AIFM3: variants seen among roughly 807,000 people sequenced by gnomAD.
The protein encoded by AIFM3 is apoptosis-inducing factor 3.
In AIFM3, 71 loss-of-function variants were observed where a neutral mutation model predicts 82.7. The ratio of observed to expected loss-of-function variants is 0.86; its 90% CI spans 0.71 to 1.05. The LOEUF (loss-of-function observed/expected upper bound fraction) is 1.05, where lower values mean the gene tolerates loss of function less well. AIFM3 is among the 50% of genes least tolerant of loss of function. AIFM3 has a pLI of 0.00. For synonymous variants in AIFM3, 337 were observed against 329.1 expected, an observed-to-expected ratio of 1.02 and a Z score of -0.26; for missense variants, 748 against 816.7, an observed-to-expected ratio of 0.92 and a Z score of 1.03.
Position 20,976,458 on chromosome 22 carries a change from T to A in AIFM3, c.950T>A (p.Ile317Asn), listed in dbSNP as rs1407263298. Residue 317 changes from isoleucine to asparagine, a missense_variant, in exon 11 of 21, where the codon ATC becomes AAC. By Grantham distance (149) the Ile-to-Asn change is moderately radical (BLOSUM62 -3). Around this residue, in one of 5 missense-constraint regions of AIFM3, gnomAD observed 393 missense variants for 481.1 expected, o/e 0.82. Transcript: ENST00000440238. The stretch of plus-strand genomic sequence containing the variant: ...AAAGAAGTGGAGAACGTGTTCACTA[T>A]CCGGACGCCAGAGGATGCCAATCGC... The part of the protein sequence containing the change: ...KGKEVENVFT[I>N]RTPEDANRVV... 6.2e-7 allele frequency: 1 copy of A among 1,614,030 alleles called. No individual in the cohort carries two copies. Among genetic ancestry groups the A allele is most frequent in the East Asian group, 2.2e-5 (1 of 44,872 alleles).
intron 16 of AIFM3, among the ~76,000 whole-genome samples, chr22:20,978,992 G>C (rs1055600782): frequency 6.6e-6 from 1 of 152,042 alleles, no homozygotes; most frequent in Non-Finnish European, 1.5e-5. Flanking sequence ...AAATGGTGGC[G>C]TACTCCCCCA....
intron 16 of AIFM3, among the ~76,000 whole-genome samples, chr22:20,979,020 T>C (rs58236961): frequency 0.03 from 4,508 of 152,242 alleles, 222 homozygotes; most frequent in African/African-American, 0.1. Context: ...GAAGCAGACC[T>C]TCCAGAGTCA....
At position 20,980,113 on chromosome 22, in the gene AIFM3, G is replaced by T. The variant is rs1285804555; in HGVS notation, c.1746G>T (p.Lys582Asn). Residue 582 changes from lysine (K) to asparagine (N), a missense_variant, in exon 19 of 21, where the codon AAG (lysine) becomes AAT (asparagine). Coordinates refer to ENST00000440238, the MANE Select transcript of AIFM3 (RefSeq NM_001386814.1). ...TGGCCTCAGGCCGTGCCATCCGGAA[G>T]CGGGAGGTGGAGTGAGTGTGGGTGT... is the stretch of plus-strand genomic sequence containing the variant. ...EVLASGRAIR[K>N]REVELFVLHS... 1.2e-6 allele frequency: 2 copies of T among 1,607,880 alleles called. No individual in the cohort carries two copies. The highest frequency in any genetic ancestry group is 8.5e-7 in the Non-Finnish European group (1 of 1,179,974).
chr22:20,969,186 C>T (rs1923111542), intron 2 of AIFM3, among the ~76,000 whole-genome samples: 1 of 152,196 alleles, frequency 6.6e-6, no homozygotes, highest in African/African-American at 2.4e-5. Flanking sequence ...GAAGATGCCA[C>T]CTGCAGGTTC....
intron 2 of AIFM3, among the ~76,000 whole-genome samples, chr22:20,971,970 G>A (rs1027248561): frequency 7.9e-5 from 12 of 152,256 alleles, no homozygotes; most frequent in Admixed American, 2.0e-4. Context: ...AGGCTGTGGG[G>A]GGGGGGGGCT....
rs1213816768 is a variant in AIFM3, at chr22:20,969,461, A to C, written c.31+1486A>C. 3.3e-5 allele frequency among the ~76,000 whole-genome samples: 5 copies of C among 149,762 alleles called. No individual in the cohort carries two copies. In the East Asian group the frequency reaches 7.8e-4, roughly 23 times the overall value. On this transcript the variant is annotated intron_variant, in intron 2 of 20. Transcript: ENST00000440238. ...ATTTTTTTTTTTTGAGACAGAGTTC[A>C]CTCCTTCTCCCATGCTGGAGTGCAG...
Position 20,972,181 on chromosome 22 carries a change from G to T in AIFM3, c.32-1126G>T, listed in dbSNP as rs147390245. On this transcript the variant is annotated intron_variant, in intron 2 of 20. Transcript: ENST00000440238. ...GCATTTTGGGAGGCCGAAGCGGGTG[G>T]ATCACCTGAGGTCAGGAGTTCGAGA... Among the ~76,000 whole-genome samples, 483 of 152,274 alleles carry T rather than the reference G, an allele frequency of 3.2e-3. 3 individuals carry two copies. The highest frequency in any genetic ancestry group is 0.011 in the African/African-American group (458 of 41,562).
chr22:20,977,036 A>C lies in AIFM3; in HGVS notation c.1223A>C (p.Lys408Thr). ...SELRGQEGKL[K>T]EVVLKSSKVV... Reference sequence around the variant, plus strand: ...TTATCCACCCACTCCCCACAGCTGAAGGAGGTTGTGCTGAAGAGCAGCAAG... The same window carrying C: ...TTATCCACCCACTCCCCACAGCTGACGGAGGTTGTGCTGAAGAGCAGCAAG... Residue 408 changes from lysine to threonine, a missense_variant, in exon 14 of 21, where the codon AAG (lysine) becomes ACG (threonine). This residue lies in a region of AIFM3 where 393 missense variants were observed against 481.1 expected (regional missense o/e 0.82). Coordinates refer to ENST00000440238, the MANE Select transcript of AIFM3 (RefSeq NM_001386814.1). 6.2e-7 allele frequency: 1 copy of C among 1,614,092 alleles called. No homozygotes were observed.
At chr22:20,966,308 A>T (rs192671977), upstream of AIFM3, among the ~76,000 whole-genome samples, 3 of 152,326 alleles carry the variant, frequency 2.0e-5, no homozygotes, top group East Asian at 1.9e-4. Flanking sequence ...GGGAAGGGGC[A>T]GGTGGGGCAG....
Position 20,978,013 on chromosome 22 carries a change from C to T in AIFM3, c.1477+8C>T. ...AGATGGCTCATGCTCAGGGTATGGC[C>T]AGTCCCGAGGCACATGGAGGGGTGG... On this transcript the variant is annotated splice_region_variant and intron_variant, in intron 16 of 20. Coordinates refer to ENST00000440238, the MANE Select transcript of AIFM3 (RefSeq NM_001386814.1). 1 of 1,613,670 alleles carries T rather than the reference C, an allele frequency of 6.2e-7. No homozygotes were observed.
rs144377807 is a variant in AIFM3 at position 20,972,748 on chromosome 22, G to C, written c.32-559G>C. 2.6e-4 allele frequency among the ~76,000 whole-genome samples: 40 copies of C among 152,216 alleles called. No individual in the cohort carries two copies. The East Asian group carries it at 7.5e-3, about 29-fold the overall frequency. The stretch of plus-strand genomic sequence containing the variant: ...GCTCTGTGTCCCCCTCACTAACACT[G>C]TAATTGAAAAAGGAGGCGGGGTGTG... On this transcript the variant is annotated intron_variant, in intron 2 of 20. Transcript: ENST00000440238.
At position 20,977,698 on chromosome 22, in the gene AIFM3, A is replaced by G. The variant is rs773544708; in HGVS notation, c.1283-2A>G. On this transcript the variant is annotated splice_acceptor_variant, in intron 14 of 20. Transcript: ENST00000440238. LOFTEE classifies it high-confidence loss of function. ...AGTGGACACAGGCTTCCGTCCTGTC[A>G]GGTGCAGTGCCCGCCACAGGCTTCC... The G allele has an allele frequency of 6.2e-7, 1 of 1,613,848 alleles. No homozygotes were observed. The highest frequency in any genetic ancestry group is 2.2e-5 in the East Asian group (1 of 44,860).
chr22:20,975,801 C>T (rs1421552881), intron 9 of AIFM3, 23 bp downstream of exon 9: 12 of 1,608,474 alleles, frequency 7.5e-6, no homozygotes, highest in Non-Finnish European at 1.0e-5. Context: ...GGGTGGGAAA[C>T]AGGCCCGAGG....
At chr22:20,980,528 C>T in intron 19 of AIFM3, 1 of 635,044 alleles carries the variant, frequency 1.6e-6, no homozygotes, top group South Asian at 1.8e-5. Flanking sequence ...CTAGGTTTCA[C>T]TCAACACCAG....
In AIFM3 at chr22:20,974,522, C is replaced by T. The variant is rs1282886364; in HGVS notation, c.511-3C>T. 1.2e-6 allele frequency: 2 copies of T among 1,610,534 alleles called. No homozygotes were observed. The highest frequency in any genetic ancestry group is 1.1e-5 in the South Asian group (1 of 90,268). On this transcript the variant is annotated splice_region_variant and splice_polypyrimidine_tract_variant and intron_variant, in intron 6 of 20. Transcript: ENST00000440238. ...TGACCCTCCACCCTCCTGGCACCCA[C>T]AGGCCCTACAGCTGCAGCGAAGGAC...
chr22:20,965,356 G>A (rs1193186308), upstream of AIFM3: 1 of 152,056 alleles, frequency 6.6e-6, no homozygotes, highest in East Asian at 2.0e-4. Context: ...TTGGCAAGCG[G>A]GGCCAGAGGC....
At chr22:20,980,448 C>T in intron 19 of AIFM3, 1 of 597,498 alleles carries the variant, frequency 1.7e-6, no homozygotes, top group Non-Finnish European at 3.0e-6. Flanking sequence ...CTGAGCCTGG[C>T]AGAAGCTAGG....
chr22:20,977,629 C>G (rs178275), intron 14 of AIFM3, 71 bp from the exon 15 acceptor site: 645,666 of 1,582,590 alleles, frequency 0.41, 135,130 homozygotes, highest in East Asian at 0.58. Flanking sequence ...CAAGCGCATG[C>G]TGTAGGGTGT....
intron 4 of AIFM3, 75 bp from the exon 5 acceptor site, chr22:20,973,988 G>A (rs927100374): frequency 4.0e-6 from 6 of 1,504,180 alleles, no homozygotes; most frequent in Admixed American, 4.0e-5. Flanking sequence ...GGAGGGGCCC[G>A]CAGTTGCCGG....
Sources: gnomAD v4.1 joint callset for allele counts (sites outside exome capture counted in the v4.1 genomes callset) on GRCh38, gnomAD v4.1.1 for gene constraint, gnomAD v4.1.1 regional missense constraint, MANE v1.5 for transcripts, NCBI Gene and HGNC (gene_info 2026-07-23, HGNC 2026-07-21) for gene names.